Variants in SMAD5 observed in about 807,000 individuals in gnomAD.
The protein encoded by SMAD5 is SMAD family member 5, also known as MAD, mothers against decapentaplegic homolog 5.
A neutral mutation model predicts 43.1 loss-of-function variants in SMAD5; 9 were observed. That is an observed-to-expected ratio of 0.21 (90% CI 0.13 to 0.36). SMAD5 has a LOEUF of 0.36. SMAD5 is among the 10% of genes least tolerant of loss of function. The pLI is 1.00. For missense variants in SMAD5, 348 were observed against 574.0 expected, an observed-to-expected ratio of 0.61 and a Z score of 4.02; for synonymous variants, 190 against 192.4, an observed-to-expected ratio of 0.99 and a Z score of 0.10.
rs1246345819 is a variant in SMAD5 at position 136,153,891 on chromosome 5, A to AG, written c.132dup (p.Lys45GlufsTer20). On this transcript the variant is annotated frameshift_variant, in exon 3 of 8. Coordinates refer to ENST00000545279, the MANE Select transcript of SMAD5 (RefSeq NM_005903.7). LOFTEE classifies it high-confidence loss of function. Reference sequence around the variant, plus strand: ...GATGCTTTGGTGAAGAAACTAAAAAAGAAAAAGGGTGCCATGGAGGAACTG... The same window carrying AG: ...GATGCTTTGGTGAAGAAACTAAAAAAGGAAAAAGGGTGCCATGGAGGAACTG... 6.2e-7 allele frequency: 1 copy of AG among 1,614,078 alleles called. No homozygotes were observed. Among genetic ancestry groups the AG allele is most frequent in the Admixed American group, 1.7e-5 (1 of 60,016 alleles).
At chr5:136,169,321 G>A (rs1023462704) in intron 5 of SMAD5, among the ~76,000 whole-genome samples, 1 of 152,154 alleles carries the variant, frequency 6.6e-6, no homozygotes, top group African/African-American at 2.4e-5. Flanking sequence ...ATTAGATGGT[G>A]CCTACCCAGA....
At chr5:136,139,065 T>C (rs968274047) in intron 1 of SMAD5, among the ~76,000 whole-genome samples, 2 of 152,038 alleles carry the variant, frequency 1.3e-5, no homozygotes. Context: ...GTCATAGAGA[T>C]GTTGGAGCAC....
intron 2 of SMAD5, among the ~76,000 whole-genome samples, chr5:136,148,775 T>G (rs1753352429): frequency 6.6e-6 from 1 of 151,856 alleles, no homozygotes; most frequent in Non-Finnish European, 1.5e-5. Context: ...ATCTTGGAAT[T>G]TTTGCAAAAT....
intron 2 of SMAD5, among the ~76,000 whole-genome samples, chr5:136,151,763 C>G (rs1024040204): frequency 1.3e-5 from 2 of 152,060 alleles, no homozygotes; most frequent in Non-Finnish European, 2.9e-5. Flanking sequence ...TGTCTCTTAT[C>G]TAGCCTAGGA....
intron 3 of SMAD5, among the ~76,000 whole-genome samples, chr5:136,156,830 A>G (rs1753654015): frequency 6.6e-6 from 1 of 152,194 alleles, no homozygotes; most frequent in East Asian, 1.9e-4. Context: ...GATACTTTTA[A>G]ATAACGGAAA....
chr5:136,155,111 T>G (rs915913494), intron 3 of SMAD5, among the ~76,000 whole-genome samples: 3 of 152,196 alleles, frequency 2.0e-5, no homozygotes, highest in Non-Finnish European at 4.4e-5. Flanking sequence ...TCCCTTGAGT[T>G]TTAGATTTGT....
chr5:136,164,880 G>C (rs1246012893), intron 5 of SMAD5, among the ~76,000 whole-genome samples: 2 of 152,058 alleles, frequency 1.3e-5, no homozygotes, highest in Non-Finnish European at 2.9e-5. Context: ...TTCCTTTTGA[G>C]TTAAGTTTGT....
rs1267403678 is a variant in SMAD5 at position 136,179,046 on chromosome 5, C to G, written c.*1566C>G. On this transcript the variant is annotated 3_prime_UTR_variant, in exon 8 of 8. Coordinates refer to ENST00000545279, the MANE Select transcript of SMAD5 (RefSeq NM_005903.7). ...CCAGCCTGGGCGACAGAGCGAGACTCTGCCTCAAAAAACAAAACAAAACAA... is the reference window on the plus strand; with the variant it reads ...CCAGCCTGGGCGACAGAGCGAGACTGTGCCTCAAAAAACAAAACAAAACAA... 1 of 152,384 alleles carries G rather than the reference C, an allele frequency of 6.6e-6. No homozygotes were observed. Among genetic ancestry groups the G allele is most frequent in the African/African-American group, 2.4e-5 (1 of 41,450 alleles). 9.4% of individuals were successfully genotyped at this position (152,384 alleles called of 1,614,324 possible). A position where few individuals can be genotyped will look rare whatever the true frequency, so the allele number is the denominator to read the frequency against.
In SMAD5 at chr5:136,174,475, T is replaced by C; in HGVS notation, c.1097T>C (p.Phe366Ser). Residue 366 changes from phenylalanine to serine, a missense_variant, in exon 7 of 8, where the codon TTT (phenylalanine) becomes TCT (serine). Phe to Ser is a radical substitution (Grantham distance 155). This residue lies in a region of SMAD5 where 97 missense variants were observed against 211.8 expected (regional missense o/e 0.46). Transcript: ENST00000545279. ...QSRNCNFHHG[F>S]HPTTVCKIPS... is the part of the protein sequence containing the mutation. ...AGGAACTGCAACTTTCATCATGGCT[T>C]TCATCCCACCACTGTCTGTAAGATT... is the stretch of plus-strand genomic sequence containing the variant. The C allele has an allele frequency of 6.2e-7, 1 of 1,613,964 alleles. No individual in the cohort carries two copies. Among genetic ancestry groups the C allele is most frequent in the Non-Finnish European group, 8.5e-7 (1 of 1,179,854 alleles).
chr5:136,174,196 A>G (rs563737954), intron 6 of SMAD5, among the ~76,000 whole-genome samples, 180 bp from the exon 7 acceptor site: 7 of 152,308 alleles, frequency 4.6e-5, no homozygotes, highest in African/African-American at 1.7e-4. Flanking sequence ...TTGTAGATGC[A>G]GGCAGACATT....
At chr5:136,141,337 G>T (rs1391903549) in intron 1 of SMAD5, among the ~76,000 whole-genome samples, 2 of 152,130 alleles carry the variant, frequency 1.3e-5, no homozygotes, top group African/African-American at 2.4e-5. Flanking sequence ...GTAGTAACAG[G>T]ACACACTGTG....
At chr5:136,147,284 G>A (rs557115163) in intron 1 of SMAD5, 4 of 151,806 alleles carry the variant, frequency 2.6e-5, no homozygotes, top group Non-Finnish European at 5.9e-5. Context: ...TAGCACAAAT[G>A]TGAGAAGGTT....
chr5:136,170,449 G>C (rs1198783664), intron 5 of SMAD5, among the ~76,000 whole-genome samples: 2 of 151,934 alleles, frequency 1.3e-5, no homozygotes. Context: ...CTGTTTGTCT[G>C]TTCTTTTATT....
chr5:136,167,911 G>A (rs1012577463), intron 5 of SMAD5, among the ~76,000 whole-genome samples: 89 of 151,646 alleles, frequency 5.9e-4, no homozygotes, highest in Non-Finnish European at 1.0e-3. Context: ...TCTGCCACCC[G>A]GGATTGAATA....
At chr5:136,173,521 T>G (rs1469090595) in intron 6 of SMAD5, among the ~76,000 whole-genome samples, 1 of 152,214 alleles carries the variant, frequency 6.6e-6, no homozygotes, top group East Asian at 1.9e-4. Flanking sequence ...GTCTTGAGTT[T>G]ACTGCCAACT....
intron 5 of SMAD5, among the ~76,000 whole-genome samples, chr5:136,169,040 A>G (rs1754123419): frequency 6.6e-6 from 1 of 152,186 alleles, no homozygotes; most frequent in African/African-American, 2.4e-5. Flanking sequence ...CTGCAAGTTG[A>G]GGAACAAGGA....
chr5:136,146,103 T>A (rs1753249872), intron 1 of SMAD5, among the ~76,000 whole-genome samples: 1 of 151,922 alleles, frequency 6.6e-6, no homozygotes, highest in African/African-American at 2.4e-5. Flanking sequence ...TTTCAACTCT[T>A]TATTATCTAG....
chr5:136,157,134 C>T (rs1753662927), intron 3 of SMAD5, among the ~76,000 whole-genome samples: 1 of 152,164 alleles, frequency 6.6e-6, no homozygotes, highest in Admixed American at 6.5e-5. Context: ...CATTTTACAA[C>T]CCTTTCAGTT....
intron 1 of SMAD5, among the ~76,000 whole-genome samples, chr5:136,139,781 G>A (rs1753011755): frequency 6.7e-6 from 1 of 150,264 alleles, no homozygotes; most frequent in Non-Finnish European, 1.5e-5. Flanking sequence ...CTGCTACCTT[G>A]ACCTCTTGGG....
Sources: gnomAD v4.1 joint callset for allele counts (sites outside exome capture counted in the v4.1 genomes callset) on GRCh38, gnomAD v4.1.1 for gene constraint, gnomAD v4.1.1 regional missense constraint, MANE v1.5 for transcripts, NCBI Gene and HGNC (gene_info 2026-07-23, HGNC 2026-07-21) for gene names.